Variants in CENATAC observed in about 807,000 individuals in gnomAD.
The protein encoded by CENATAC is centrosomal AT-AC splicing factor.
In CENATAC, 53 loss-of-function variants were observed where a neutral mutation model predicts 53.7. That is an observed-to-expected ratio of 0.99 (90% CI 0.79 to 1.24). CENATAC has a LOEUF of 1.24. Among genes scored for constraint, CENATAC ranks in the 50% most tolerant of loss-of-function variants. The probability of loss-of-function intolerance (pLI) is 0.00; values close to 1 mark genes in which losing one functional copy is unlikely to be tolerated. For missense variants in CENATAC, 474 were observed against 417.8 expected (o/e 1.13, Z -1.17); for synonymous variants, 156 against 144.6 (o/e 1.08, Z -0.57).
chr11:119,015,618 C>T lies in CENATAC; in HGVS notation c.*20C>T. On this transcript the variant is annotated 3_prime_UTR_variant, in exon 11 of 11. Coordinates refer to ENST00000334418, the MANE Select transcript of CENATAC (RefSeq NM_198489.3). ...AGCTAATCATGCTCTCTACCAACTA[C>T]CATGAGGCTAAAAGCAAAGTCAACA... 1 of 1,613,490 alleles carries T rather than the reference C, an allele frequency of 6.2e-7. No homozygotes were observed. The highest frequency in any genetic ancestry group is 8.5e-7 in the Non-Finnish European group (1 of 1,179,542).
At position 118,998,512 on chromosome 11, in the gene CENATAC, G is replaced by T. The variant is rs782453291; in HGVS notation, c.203G>T (p.Cys68Phe). Residue 68 changes from cysteine (C) to phenylalanine (F), a missense_variant, in exon 2 of 11, where the codon TGC becomes TTC. Coordinates refer to ENST00000334418, the MANE Select transcript of CENATAC (RefSeq NM_198489.3). ...PEHERCCWCLCCGCEVREHLS... is the reference protein window; with the variant it reads ...PEHERCCWCLFCGCEVREHLS... ...CACGAGCGATGCTGCTGGTGCCTGTGCTGCGGCTGTGAGGTGCGGGAACAC... is the reference window on the plus strand; with the variant it reads ...CACGAGCGATGCTGCTGGTGCCTGTTCTGCGGCTGTGAGGTGCGGGAACAC... The T allele has an allele frequency of 1.2e-6, 2 of 1,611,420 alleles. No homozygotes were observed.
At chr11:119,004,104 T>C (rs782702153) in intron 3 of CENATAC, among the ~76,000 whole-genome samples, 50 of 152,248 alleles carry the variant, frequency 3.3e-4, no homozygotes, top group Non-Finnish European at 1.9e-4. Flanking sequence ...GATCACGCTC[T>C]ATGATGTTTC....
chr11:119,000,754 C>T (rs1942251528), intron 3 of CENATAC, among the ~76,000 whole-genome samples: 1 of 151,466 alleles, frequency 6.6e-6, no homozygotes, highest in African/African-American at 2.4e-5. Context: ...GAAACTCTGT[C>T]TCAAAAGGAA....
intron 6 of CENATAC, 56 bp downstream of exon 6, chr11:119,012,059 A>T: frequency 6.2e-7 from 1 of 1,613,796 alleles, no homozygotes; most frequent in Non-Finnish European, 8.5e-7. Context: ...ACATTCTGCA[A>T]CCTTTTGCCT....
intron 3 of CENATAC, chr11:119,003,218 A>T: frequency 1.9e-6 from 1 of 535,800 alleles, no homozygotes; most frequent in South Asian, 1.4e-5. Context: ...CAGTGGTCAG[A>T]GGAAACTTGA....
At chr11:119,012,506 C>T (rs545569245) in intron 7 of CENATAC, 1 of 393,430 alleles carries the variant, frequency 2.5e-6, no homozygotes, top group Non-Finnish European at 4.7e-6. Flanking sequence ...CAACTCAACA[C>T]AGGACATTAA....
chr11:119,005,306 T>C (rs1942530843), intron 3 of CENATAC, among the ~76,000 whole-genome samples: 1 of 151,016 alleles, frequency 6.6e-6, no homozygotes, highest in Non-Finnish European at 1.5e-5. Flanking sequence ...CTCTACTAAA[T>C]ATACAAAAAA....
chr11:119,001,473 C>A (rs1248231260), intron 3 of CENATAC: 1 of 385,728 alleles, frequency 2.6e-6, no homozygotes, highest in Non-Finnish European at 5.2e-6. Flanking sequence ...CTCACTGCAA[C>A]CTCTGCCTCC....
intron 3 of CENATAC, among the ~76,000 whole-genome samples, chr11:119,002,224 C>CAAAAAAAA (rs782664366): frequency 3.8e-4 from 19 of 49,508 alleles, no homozygotes; most frequent in African/African-American, 4.4e-4. Flanking sequence ...AACTCTGTCT[C>CAAAAAAAA]AAAAAAAAAA....
intron 3 of CENATAC, chr11:119,001,504 G>C: frequency 2.4e-6 from 1 of 412,406 alleles, no homozygotes; most frequent in South Asian, 1.7e-5. Context: ...CGATTCTCCC[G>C]TTTCAGCCTG....
intron 3 of CENATAC, chr11:119,003,393 C>A: frequency 5.8e-6 from 3 of 515,804 alleles, no homozygotes; most frequent in South Asian, 2.9e-5. Flanking sequence ...GCCTTCAGAG[C>A]CTTGCTTTGG....
At chr11:119,013,701 G>T (rs1480087214) in intron 8 of CENATAC, among the ~76,000 whole-genome samples, 1 of 151,404 alleles carries the variant, frequency 6.6e-6, no homozygotes, top group Non-Finnish European at 1.5e-5. Flanking sequence ...CTGACCTCGT[G>T]ATCCACCCGC....
chr11:118,999,892 T>G (rs1942208134), intron 3 of CENATAC, among the ~76,000 whole-genome samples: 1 of 152,226 alleles, frequency 6.6e-6, no homozygotes, highest in Admixed American at 6.5e-5. Context: ...TCCGCCCACC[T>G]TGGCCTCCTA....
At chr11:119,002,279 A>C (rs1200310433) in intron 3 of CENATAC, among the ~76,000 whole-genome samples, 2 of 149,560 alleles carry the variant, frequency 1.3e-5, no homozygotes, top group Non-Finnish European at 3.0e-5. Flanking sequence ...TAGTGTAACC[A>C]GTTGGTGTGA....
At chr11:118,999,467 T>C (rs929949947) in intron 3 of CENATAC, among the ~76,000 whole-genome samples, 1 of 152,140 alleles carries the variant, frequency 6.6e-6, no homozygotes, top group Non-Finnish European at 1.5e-5. Context: ...TTATTTTATC[T>C]TTTCTTTTGA....
chr11:119,002,952 A>AT (rs558672354), intron 3 of CENATAC: 6,037 of 371,824 alleles, frequency 0.016, no homozygotes, highest in South Asian at 0.024. Flanking sequence ...TGCCTTGATA[A>AT]TTTTTTTTTT....
intron 8 of CENATAC, 198 bp from the exon 9 acceptor site, chr11:119,014,796 G>A: frequency 2.3e-6 from 1 of 426,918 alleles, no homozygotes; most frequent in East Asian, 3.6e-5. Context: ...GTGCCTCAAA[G>A]CCATTTTAAA....
At chr11:119,009,056 T>C (rs1030442498) in intron 3 of CENATAC, among the ~76,000 whole-genome samples, 6 of 152,212 alleles carry the variant, frequency 3.9e-5, no homozygotes, top group African/African-American at 1.4e-4. Context: ...CAGGTCTTTT[T>C]CAAAATGGAG....
chr11:119,010,554 G>T, intron 3 of CENATAC: 1 of 531,396 alleles, frequency 1.9e-6, no homozygotes, highest in South Asian at 3.3e-5. Flanking sequence ...TTTTGTTTTG[G>T]CAAAAAGGAC....
Sources: gnomAD v4.1 joint callset for allele counts (sites outside exome capture counted in the v4.1 genomes callset) on GRCh38, gnomAD v4.1.1 for gene constraint, MANE v1.5 for transcripts, NCBI Gene and HGNC (gene_info 2026-07-23, HGNC 2026-07-21) for gene names.